Variants in API5 observed in about 807,000 individuals in gnomAD.
The protein encoded by API5 is FIF.
A neutral mutation model predicts 71.9 loss-of-function variants in API5; 6 were observed. That is an observed-to-expected ratio of 0.08 (90% CI 0.05 to 0.16). The LOEUF (loss-of-function observed/expected upper bound fraction) is 0.16. Ranked by LOEUF, API5 falls within the 10% of genes least tolerant of loss-of-function variation. API5 has a pLI of 1.00. For missense variants in API5, 332 were observed against 612.8 expected (o/e 0.54, Z 4.84); for synonymous variants, 189 against 221.3 (o/e 0.85, Z 1.30).
intron 2 of API5, chr11:43,319,099 A>T (rs1054541062): frequency 6.8e-6 from 2 of 293,334 alleles, no homozygotes; most frequent in African/African-American, 2.2e-5. Context: ...TTCATTGTGC[A>T]TATGAAATTA....
Position 43,343,242 on chromosome 11 carries a change from G to T in API5, c.*732G>T, listed in dbSNP as rs527922677. ...TATATATATGCATGCTGTGAAACTTGACTACACAACATAAATCACTTTTTA... is the reference window on the plus strand; with the variant it reads ...TATATATATGCATGCTGTGAAACTTTACTACACAACATAAATCACTTTTTA... On this transcript the variant is annotated 3_prime_UTR_variant, in exon 14 of 14. Transcript: ENST00000531273. 6.6e-6 allele frequency: 1 copy of T among 152,372 alleles called. No individual in the cohort carries two copies. Among genetic ancestry groups the T allele is most frequent in the African/African-American group, 2.4e-5 (1 of 41,444 alleles). The allele number at this position is 152,372 out of a possible 1,614,324, so 9.4% of individuals were successfully genotyped here.
intron 1 of API5, among the ~76,000 whole-genome samples, chr11:43,313,299 A>C (rs958766807): frequency 6.6e-6 from 1 of 152,064 alleles, no homozygotes. Context: ...CATACAAGTC[A>C]TTTGTTCCCT....
chr11:43,332,479 T>C (rs1334555784), intron 11 of API5, among the ~76,000 whole-genome samples: 1 of 152,146 alleles, frequency 6.6e-6, no homozygotes, highest in Admixed American at 6.5e-5. Context: ...GAGCAGCTTA[T>C]AGAACTCAGG....
intron 1 of API5, among the ~76,000 whole-genome samples, chr11:43,317,058 G>C (rs1854697662): frequency 6.6e-6 from 1 of 152,084 alleles, no homozygotes; most frequent in African/African-American, 2.4e-5. Context: ...TAGTTCATTG[G>C]ATATTTATTG....
intron 1 of API5, among the ~76,000 whole-genome samples, chr11:43,315,155 C>T (rs1255727261): frequency 1.3e-5 from 2 of 152,168 alleles, no homozygotes; most frequent in Non-Finnish European, 2.9e-5. Context: ...CCACTACAGA[C>T]TATTCCCTCC....
At position 43,313,910 on chromosome 11, in the gene API5, G is replaced by A. The variant is rs1854580075; in HGVS notation, c.69+1714G>A. Among the ~76,000 whole-genome samples the A allele has an allele frequency of 2.0e-5, 3 of 152,044 alleles. No homozygotes were observed. The South Asian group carries it at 6.2e-4, about 32-fold the overall frequency. On this transcript the variant is annotated intron_variant, in intron 1 of 13. Transcript: ENST00000531273. Reference sequence around the variant, plus strand: ...TCGAGACCAGCCTGGCCAACATGGTGAACCCCCATCTCTACTAAAAATACA... The same window carrying A: ...TCGAGACCAGCCTGGCCAACATGGTAAACCCCCATCTCTACTAAAAATACA...
intron 1 of API5, 85 bp downstream of exon 1, chr11:43,312,281 C>A: frequency 6.9e-7 from 1 of 1,441,822 alleles, no homozygotes; most frequent in Non-Finnish European, 9.6e-7. Context: ...CCGGGCCGAG[C>A]GGGGGCTGCG....
In API5 at chr11:43,342,698, A is replaced by G. The variant is rs1317992071; in HGVS notation, c.*188A>G. 2 of 700,592 alleles carry G rather than the reference A, an allele frequency of 2.9e-6. No homozygotes were observed. The highest frequency in any genetic ancestry group is 5.2e-6 in the Non-Finnish European group (2 of 388,036). The allele number at this position is 700,592 out of a possible 1,614,324, so 43.4% of individuals were successfully genotyped here. ...ATGGTTGTGTCCAAGGTAAAACCAC[A>G]GTGATATTTTTGGATGCTTTGTCTG... On this transcript the variant is annotated 3_prime_UTR_variant, in exon 14 of 14. Transcript: ENST00000531273.
chr11:43,315,728 C>G (rs896723438), intron 1 of API5, among the ~76,000 whole-genome samples: 1 of 152,094 alleles, frequency 6.6e-6, no homozygotes, highest in Admixed American at 6.6e-5. Flanking sequence ...TGCCTTTCCC[C>G]CACTCTGCCT....
intron 7 of API5, among the ~76,000 whole-genome samples, chr11:43,327,152 A>T (rs562657949): frequency 6.6e-6 from 1 of 152,356 alleles, no homozygotes; most frequent in African/African-American, 2.4e-5. Flanking sequence ...ATTGGACTGA[A>T]ATATGGAAAT....
intron 10 of API5, 31 bp from the exon 11 acceptor site, chr11:43,330,477 A>C: frequency 6.7e-7 from 1 of 1,487,508 alleles, no homozygotes. Context: ...AGTTATTGGC[A>C]ATTTGTCTTA....
intron 1 of API5, 189 bp from the exon 2 acceptor site, chr11:43,318,451 A>G (rs913550238): frequency 4.6e-6 from 7 of 1,534,728 alleles, no homozygotes; most frequent in East Asian, 2.4e-5. Flanking sequence ...TCAAAAATGA[A>G]ACAAAGATGG....
intron 11 of API5, among the ~76,000 whole-genome samples, chr11:43,331,688 A>G (rs1335074242): frequency 2.0e-5 from 3 of 152,182 alleles, no homozygotes; most frequent in Non-Finnish European, 4.4e-5. Flanking sequence ...AAGTGAGACC[A>G]TGTAGTCCAA....
intron 13 of API5, among the ~76,000 whole-genome samples, chr11:43,340,460 A>AC (rs1855574143): frequency 1.3e-5 from 2 of 152,128 alleles, no homozygotes; most frequent in South Asian, 4.1e-4. Flanking sequence ...GAACCACAAG[A>AC]CCCCAAATAG....
intron 4 of API5, 35 bp downstream of exon 4, chr11:43,321,511 G>A: frequency 6.6e-7 from 1 of 1,506,734 alleles, no homozygotes; most frequent in Non-Finnish European, 9.2e-7. Context: ...TGTGTTTGAT[G>A]TCTTACAGAA....
intron 6 of API5, 89 bp downstream of exon 6, chr11:43,323,725 T>A: frequency 8.3e-7 from 1 of 1,205,198 alleles, no homozygotes; most frequent in Non-Finnish European, 1.2e-6. Flanking sequence ...ACCTTTCCAG[T>A]AGTGTCCCTT....
chr11:43,322,031 T>C lies in API5; in HGVS notation c.438T>C (p.Ile146=), dbSNP rs772302352. ...GCCAAATACTTCAAGGAGAGGACAT[T>C]GTTAGAGAACGAGCAATTAAATTCC... is the stretch of plus-strand genomic sequence containing the variant. ...LFSQILQGED[I]VRERAIKFLS... is the part of the protein sequence containing the mutation. Residue 146 remains isoleucine (I), a synonymous_variant, in exon 5 of 14, where the codon ATT becomes ATC. Transcript: ENST00000531273. 8 of 1,613,666 alleles carry C rather than the reference T, an allele frequency of 5.0e-6. No homozygotes were observed. Among genetic ancestry groups the C allele is most frequent in the South Asian group, 4.4e-5 (4 of 91,024 alleles).
intron 13 of API5, among the ~76,000 whole-genome samples, chr11:43,337,176 A>T (rs1448962383): frequency 6.6e-6 from 1 of 151,972 alleles, no homozygotes; most frequent in Admixed American, 6.6e-5. Flanking sequence ...AAATTTAAAA[A>T]TTAGTTGGGT....
In API5 at chr11:43,318,622, CTTTA is replaced by C. The variant is rs1854759200; in HGVS notation, c.70-14_70-11del. The C allele has an allele frequency of 1.9e-6, 3 of 1,609,780 alleles. No individual in the cohort carries two copies. The highest frequency in any genetic ancestry group is 2.5e-6 in the Non-Finnish European group (3 of 1,178,216). On this transcript the variant is annotated splice_polypyrimidine_tract_variant and intron_variant, in intron 1 of 13. Transcript: ENST00000531273. ...CCTTCAAAATCATGTGTCTTTCCTG[CTTTA>C]TTTTTTATTTCAGCATAAAGATGCC...
Sources: allele counts gnomAD v4.1 joint callset (sites outside exome capture counted in the v4.1 genomes callset), GRCh38; gene constraint gnomAD v4.1.1; transcripts MANE v1.5; gene names NCBI Gene and HGNC (gene_info 2026-07-23, HGNC 2026-07-21).